The following C9 variants were observed in gnomAD, a reference collection of about 807,000 sequenced individuals.
The protein encoded by C9 is complement component C9.
Under a neutral mutation model 65.4 loss-of-function variants are expected in C9, and 63 were observed. That is an observed-to-expected ratio of 0.96 (90% CI 0.79 to 1.19). C9 has a LOEUF of 1.19. C9 is among the 50% of genes most tolerant of loss of function. The probability of loss-of-function intolerance (pLI) is 0.00; values close to 1 mark genes in which losing one functional copy is unlikely to be tolerated. For missense variants in C9, 744 were observed against 670.1 expected, an observed-to-expected ratio of 1.11 and a Z score of -1.22; for synonymous variants, 229 against 227.9, an observed-to-expected ratio of 1.00 and a Z score of -0.04.
chr5:39,294,219 T>C (rs1175842872), intron 9 of C9, among the ~76,000 whole-genome samples: 2 of 151,316 alleles, frequency 1.3e-5, no homozygotes, highest in Non-Finnish European at 3.0e-5. Context: ...GGAGCAGAAA[T>C]AAACGAAATT....
chr5:39,333,764 G>A (rs531756413), intron 4 of C9, among the ~76,000 whole-genome samples: 2,738 of 152,058 alleles, frequency 0.018, 86 homozygotes, highest in African/African-American at 0.063. Context: ...GGCGCGCACC[G>A]CCACGCCTGA....
chr5:39,315,968 C>A lies in C9; in HGVS notation c.677G>T (p.Ser226Ile). 1 of 1,611,090 alleles carries A rather than the reference C, an allele frequency of 6.2e-7. No individual in the cohort carries two copies. The highest frequency in any genetic ancestry group is 1.3e-5 in the African/African-American group (1 of 74,924). The stretch of plus-strand genomic sequence containing the variant: ...ATTTGATGTCTTCTCTTGGATGATA[C>A]TTTTAAATGCTTCAATTTGTTCTTC... ...HYEEQIEAFK[S>I]IIQEKTSNFN... The change falls in exon 6 of 11, where the codon AGT becomes ATT. Residue 226 changes from serine to isoleucine, a missense_variant. Physicochemically the swap from Ser to Ile is moderately radical, Grantham distance 142. Coordinates refer to ENST00000263408, the MANE Select transcript of C9 (RefSeq NM_001737.5).
At chr5:39,313,494 A>T (rs1054205311) in intron 6 of C9, among the ~76,000 whole-genome samples, 1 of 152,160 alleles carries the variant, frequency 6.6e-6, no homozygotes, top group Admixed American at 6.5e-5. Flanking sequence ...TGCTTCTCAA[A>T]CTATAAAATG....
At position 39,336,410 on chromosome 5, in the gene C9, C is replaced by A. The variant is rs532865012; in HGVS notation, c.477-4596G>T. Among the ~76,000 whole-genome samples the A allele has an allele frequency of 6.6e-5, 10 of 152,028 alleles. No homozygotes were observed. In the South Asian group the frequency reaches 2.1e-3, roughly 32 times the overall value. The stretch of plus-strand genomic sequence containing the variant: ...TTATTGATTGTCTTGTCATACTTTT[C>A]TGTACCAAAAAGATATTAATTGAAA... On this transcript the variant is annotated intron_variant, in intron 4 of 10. Coordinates refer to ENST00000263408, the MANE Select transcript of C9 (RefSeq NM_001737.5).
In C9 at chr5:39,288,794, T is replaced by C. The variant is rs1218567427; in HGVS notation, c.1574A>G (p.Lys525Arg). 6.2e-7 allele frequency: 1 copy of C among 1,612,608 alleles called. No individual in the cohort carries two copies. Among genetic ancestry groups the C allele is most frequent in the South Asian group, 1.1e-5 (1 of 91,050 alleles). The change falls in exon 10 of 11, where the codon AAG becomes AGG. Residue 525 changes from lysine to arginine, a missense_variant. Lys to Arg is a conservative substitution (Grantham distance 26). Transcript: ENST00000263408. ...NGGTVILMDGKCLCACPFKFE... is the reference protein window; with the variant it reads ...NGGTVILMDGRCLCACPFKFE... Reference sequence around the variant, plus strand: ...TTTGAATGGGCAGGCACACAAACACTTTCCATCCATTAGAATCACTGTACC... The same window carrying C: ...TTTGAATGGGCAGGCACACAAACACCTTCCATCCATTAGAATCACTGTACC...
At chr5:39,354,691 T>C (rs166458) in intron 1 of C9, among the ~76,000 whole-genome samples, 2 of 152,340 alleles carry the variant, frequency 1.3e-5, no homozygotes, top group South Asian at 4.1e-4. Flanking sequence ...CTGATATTTT[T>C]AGCTAGAATG....
At chr5:39,306,006 C>T (rs1006740969) in intron 9 of C9, among the ~76,000 whole-genome samples, 9 of 151,760 alleles carry the variant, frequency 5.9e-5, no homozygotes, top group African/African-American at 2.2e-4. Context: ...ACTAAAAATA[C>T]AAGAAAATTA....
At chr5:39,345,162 C>T (rs1005693890) in intron 1 of C9, among the ~76,000 whole-genome samples, 9 of 152,144 alleles carry the variant, frequency 5.9e-5, no homozygotes, top group South Asian at 2.1e-4. Context: ...ATCAAATTCA[C>T]ACATAACAAT....
chr5:39,346,283 T>C (rs1473367511), intron 1 of C9, among the ~76,000 whole-genome samples: 3 of 151,668 alleles, frequency 2.0e-5, no homozygotes, highest in Admixed American at 6.6e-5. Context: ...GCAAGACTAA[T>C]AAAGAAGAAA....
At chr5:39,352,240 T>C (rs1754336190) in intron 1 of C9, among the ~76,000 whole-genome samples, 1 of 152,328 alleles carries the variant, frequency 6.6e-6, no homozygotes, top group South Asian at 2.1e-4. Context: ...TCACTATGCC[T>C]GTCCTTCAAC....
chr5:39,343,051 A>G (rs1754119330), intron 1 of C9, among the ~76,000 whole-genome samples: 1 of 152,142 alleles, frequency 6.6e-6, no homozygotes, highest in Admixed American at 6.5e-5. Flanking sequence ...CTTAAACCAC[A>G]GAAAAGGCTA....
chr5:39,353,606 G>A (rs1251987489), intron 1 of C9, among the ~76,000 whole-genome samples: 1 of 151,972 alleles, frequency 6.6e-6, no homozygotes, highest in Non-Finnish European at 1.5e-5. Context: ...TATTCTTATA[G>A]CATCTTGTTC....
intron 5 of C9, among the ~76,000 whole-genome samples, chr5:39,327,489 G>A (rs1256742939): frequency 1.3e-5 from 2 of 152,110 alleles, no homozygotes; most frequent in Non-Finnish European, 2.9e-5. Context: ...AGGGAAATGA[G>A]TCTGTAAAGA....
Position 39,312,479 on chromosome 5 carries a change from T to C in C9, c.871-1102A>G, listed in dbSNP as rs139584861. Among the ~76,000 whole-genome samples the C allele has an allele frequency of 2.4e-3, 359 of 152,286 alleles. 1 individual carries two copies. Among genetic ancestry groups the C allele is most frequent in the African/African-American group, 8.4e-3 (350 of 41,560 alleles). On this transcript the variant is annotated intron_variant, in intron 6 of 10. Coordinates refer to ENST00000263408, the MANE Select transcript of C9 (RefSeq NM_001737.5). ...GTACTAAAAACCTAGATCTCAGGTC[T>C]CCTTGTCCCTTTCAGTCCACCCTCT...
chr5:39,325,794 G>A (rs1047527541), intron 5 of C9, among the ~76,000 whole-genome samples: 17 of 141,126 alleles, frequency 1.2e-4, no homozygotes, highest in African/African-American at 4.2e-4. Flanking sequence ...AAAAAAAGAT[G>A]CAATGATCAT....
At chr5:39,304,024 A>C (rs1238161030) in intron 9 of C9, among the ~76,000 whole-genome samples, 1 of 152,168 alleles carries the variant, frequency 6.6e-6, no homozygotes. Flanking sequence ...TAGCTTACAT[A>C]TATTTCAAAA....
At chr5:39,345,953 A>C (rs1754185500) in intron 1 of C9, among the ~76,000 whole-genome samples, 2 of 151,996 alleles carry the variant, frequency 1.3e-5, no homozygotes, top group African/African-American at 4.9e-5. Flanking sequence ...CCAGAAATAA[A>C]GATGTTCTTT....
chr5:39,288,107 A>G (rs372823660), intron 10 of C9, among the ~76,000 whole-genome samples: 1 of 152,158 alleles, frequency 6.6e-6, no homozygotes, highest in East Asian at 1.9e-4. Flanking sequence ...TCATTTATAT[A>G]AAATTTAAAA....
At chr5:39,311,461 T>C in intron 6 of C9, 84 bp from the exon 7 acceptor site, 1 of 1,351,474 alleles carries the variant, frequency 7.4e-7, no homozygotes, top group Non-Finnish European at 1.0e-6. Flanking sequence ...AGAACTTCCA[T>C]AGGCACTAAA....
Sources: gnomAD v4.1 joint callset for allele counts (sites outside exome capture counted in the v4.1 genomes callset) on GRCh38, gnomAD v4.1.1 for gene constraint, MANE v1.5 for transcripts, NCBI Gene and HGNC (gene_info 2026-07-23, HGNC 2026-07-21) for gene names.